CDC42SE2: variants seen among roughly 807,000 people sequenced by gnomAD.
The protein encoded by CDC42SE2 is CDC42 small effector protein 2.
In CDC42SE2, 3 loss-of-function variants were observed where a neutral mutation model predicts 11.5. The observed-to-expected ratio is 0.26, with a 90% CI of 0.12 to 0.67. The LOEUF (loss-of-function observed/expected upper bound fraction) is 0.67, where lower values mean the gene tolerates loss of function less well. Ranked by LOEUF, CDC42SE2 falls within the 30% of genes least tolerant of loss-of-function variation. The probability of loss-of-function intolerance (pLI) is 0.80; values close to 1 mark genes in which losing one functional copy is unlikely to be tolerated. For missense variants in CDC42SE2, 82 were observed against 106.8 expected, an observed-to-expected ratio of 0.77 and a Z score of 1.02; for synonymous variants, 33 against 34.8, an observed-to-expected ratio of 0.95 and a Z score of 0.18.
chr5:131,266,834 A>T (rs1756876287), intron 1 of CDC42SE2, among the ~76,000 whole-genome samples: 1 of 151,996 alleles, frequency 6.6e-6, no homozygotes, highest in Non-Finnish European at 1.5e-5. Context: ...TTCTCGGAAG[A>T]AGTTACCTGA....
At chr5:131,323,546 G>GTTTTTTTTTTTTTT (rs1561584661) in intron 2 of CDC42SE2, among the ~76,000 whole-genome samples, 1 of 96,630 alleles carries the variant, frequency 1.0e-5, no homozygotes, top group African/African-American at 4.6e-5. Context: ...CTCTCTCTCT[G>GTTTTTTTTTTTTTT]GTTTTTTTTT....
At chr5:131,251,161 G>A (rs1414175100) in intron 1 of CDC42SE2, among the ~76,000 whole-genome samples, 1 of 152,240 alleles carries the variant, frequency 6.6e-6, no homozygotes, top group East Asian at 1.9e-4. Flanking sequence ...TTAACATTTT[G>A]TGTATCTGTT....
intron 1 of CDC42SE2, among the ~76,000 whole-genome samples, chr5:131,267,630 A>G (rs564284398): frequency 3.9e-5 from 6 of 152,320 alleles, no homozygotes; most frequent in African/African-American, 7.2e-5. Flanking sequence ...AATGATACTA[A>G]CATGGCATAT....
intron 2 of CDC42SE2, among the ~76,000 whole-genome samples, chr5:131,350,704 C>T (rs896542669): frequency 6.6e-6 from 1 of 151,328 alleles, no homozygotes; most frequent in African/African-American, 2.4e-5. Flanking sequence ...AATGCAGTCC[C>T]AATCAGAATC....
At chr5:131,278,903 G>C (rs896887079) in intron 1 of CDC42SE2, among the ~76,000 whole-genome samples, 5 of 143,870 alleles carry the variant, frequency 3.5e-5, no homozygotes, top group Non-Finnish European at 6.0e-5. Context: ...TCCTGCCTCA[G>C]CCTCCCGAGT....
At chr5:131,303,876 A>G (rs574711480) in intron 1 of CDC42SE2, among the ~76,000 whole-genome samples, 3 of 152,170 alleles carry the variant, frequency 2.0e-5, no homozygotes, top group East Asian at 1.9e-4. Context: ...CTTCATAGCA[A>G]TATGATGGAA....
intron 3 of CDC42SE2, among the ~76,000 whole-genome samples, chr5:131,381,115 A>G (rs944320529): frequency 1.2e-4 from 19 of 152,066 alleles, no homozygotes; most frequent in African/African-American, 4.6e-4. Flanking sequence ...TCTCTGCCCA[A>G]CCACAGAAAT....
the CDC42SE2 span, among the ~76,000 whole-genome samples, chr5:131,226,904 C>T: frequency 6.6e-6 from 1 of 152,182 alleles, no homozygotes; most frequent in East Asian, 1.9e-4. Flanking sequence ...AATGCTCTCA[C>T]TGGTTTGCTT....
chr5:131,233,104 G>A, the CDC42SE2 span, among the ~76,000 whole-genome samples: 2 of 152,006 alleles, frequency 1.3e-5, no homozygotes, highest in African/African-American at 2.4e-5. Flanking sequence ...ACACATACGG[G>A]TCTGTATATA....
At chr5:131,351,839 A>C (rs1002252896) in intron 2 of CDC42SE2, among the ~76,000 whole-genome samples, 15 of 152,266 alleles carry the variant, frequency 9.9e-5, no homozygotes, top group Admixed American at 9.8e-4. Flanking sequence ...ACATTATCAA[A>C]GTTAAAAACT....
At chr5:131,225,697 A>G in the CDC42SE2 span, among the ~76,000 whole-genome samples, 2 of 152,174 alleles carry the variant, frequency 1.3e-5, no homozygotes, top group African/African-American at 4.8e-5. Flanking sequence ...TGGAAGAGTG[A>G]CTTTGTAAGA....
intron 2 of CDC42SE2, among the ~76,000 whole-genome samples, chr5:131,325,290 G>A (rs1212220045): frequency 6.6e-6 from 1 of 152,142 alleles, no homozygotes; most frequent in East Asian, 1.9e-4. Context: ...TAGTGTGTAT[G>A]CAGTTGCTAG....
At chr5:131,290,256 A>T (rs1317167850) in intron 1 of CDC42SE2, among the ~76,000 whole-genome samples, 1 of 152,182 alleles carries the variant, frequency 6.6e-6, no homozygotes, top group Non-Finnish European at 1.5e-5. Flanking sequence ...GCAGTTGGTG[A>T]TCTGAAAATT....
intron 2 of CDC42SE2, chr5:131,255,637 GTAA>G (rs1756673793): frequency 6.6e-6 from 1 of 152,204 alleles, no homozygotes. Flanking sequence ...GCATGTGCCT[GTAA>G]TCCCAGCTAC....
chr5:131,331,908 C>T (rs1758426223), intron 2 of CDC42SE2, among the ~76,000 whole-genome samples: 1 of 152,084 alleles, frequency 6.6e-6, no homozygotes, highest in African/African-American at 2.4e-5. Context: ...CATTTTTCTC[C>T]AATATTGTTC....
chr5:131,323,547 G>GTT lies in CDC42SE2; in HGVS notation c.-286+7428_-286+7429dup, dbSNP rs1171213231. 1.5e-3 allele frequency among the ~76,000 whole-genome samples: 120 copies of GTT among 82,590 alleles called. 9 individuals carry two copies. The highest frequency in any genetic ancestry group is 4.8e-3 in the African/African-American group (94 of 19,552). The allele number at this position is 82,590 out of a possible 152,430, so 54.2% of individuals were successfully genotyped here. On this transcript the variant is annotated intron_variant, in intron 2 of 4. Transcript: ENST00000505065. ...AAGGGATTGTACCTCTCTCTCTCTG[G>GTT]TTTTTTTTTTTTTTTTTTTTTTTTT...
chr5:131,310,187 C>T (rs1013352334), intron 1 of CDC42SE2, among the ~76,000 whole-genome samples: 1 of 151,676 alleles, frequency 6.6e-6, no homozygotes, highest in African/African-American at 2.4e-5. Flanking sequence ...TTTATTTCTG[C>T]CTTCATTTTG....
At chr5:131,317,665 CTATCTTTTCTTTT>C (rs1758069151) in intron 2 of CDC42SE2, among the ~76,000 whole-genome samples, 2 of 150,422 alleles carry the variant, frequency 1.3e-5, no homozygotes, top group Admixed American at 6.6e-5. Context: ...ATGTTTCTTT[CTATCTTTTCTTTT>C]AAATCTTGTT....
At chr5:131,325,400 T>G (rs1758274573) in intron 2 of CDC42SE2, among the ~76,000 whole-genome samples, 1 of 152,194 alleles carries the variant, frequency 6.6e-6, no homozygotes, top group Admixed American at 6.5e-5. Context: ...TTGGAATATT[T>G]TAAAAGCAGC....
Sources: gnomAD v4.1 joint callset for allele counts (sites outside exome capture counted in the v4.1 genomes callset) on GRCh38, gnomAD v4.1.1 for gene constraint, MANE v1.5 for transcripts, NCBI Gene and HGNC (gene_info 2026-07-23, HGNC 2026-07-21) for gene names.